CTAGE9: variants seen among roughly 807,000 people sequenced by gnomAD.
CTAGE9 encodes cutaneous T-cell lymphoma-associated antigen 9.
For synonymous variants in CTAGE9, 107 were observed against 315.9 expected (o/e 0.34, Z 7.01); for missense variants, 248 against 884.0 (o/e 0.28, Z 9.12).
chr6:131,709,699 A>G lies in CTAGE9; in HGVS notation c.1319T>C (p.Leu440Pro). The G allele has an allele frequency of 1.2e-6, 2 of 1,613,744 alleles. No individual in the cohort carries two copies. The highest frequency in any genetic ancestry group is 1.7e-6 in the Non-Finnish European group (2 of 1,179,874). ...LETYRKLAKD[L>P]EEELERTVHF... ...AACAGTTCTCTCCAATTCTTCTTCAAGATCTTTGGCTAGCTTTCTATAGGT... is the reference window on the plus strand; with the variant it reads ...AACAGTTCTCTCCAATTCTTCTTCAGGATCTTTGGCTAGCTTTCTATAGGT... Residue 440 changes from leucine (L) to proline (P), a missense_variant, in exon 1 of 1, where the codon CTT becomes CCT. By Grantham distance (98) the Leu-to-Pro change is moderately conservative. Coordinates refer to ENST00000314099, the MANE Select transcript of CTAGE9 (RefSeq NM_001145659.1).
In CTAGE9 at chr6:131,708,571, A is replaced by G. The variant is rs1253278147; in HGVS notation, c.*113T>C. The stretch of plus-strand genomic sequence containing the variant: ...TAAACTGAAAATGAGATCAGTCAAA[A>G]TTACTTTTGAAGAAAGCAACAATAT... On this transcript the variant is annotated 3_prime_UTR_variant, in exon 1 of 1. Coordinates refer to ENST00000314099, the MANE Select transcript of CTAGE9 (RefSeq NM_001145659.1). 3.5e-5 allele frequency: 52 copies of G among 1,506,446 alleles called. No individual in the cohort carries two copies. Among genetic ancestry groups the G allele is most frequent in the Non-Finnish European group, 4.4e-5 (50 of 1,125,744 alleles). 93.3% of individuals were successfully genotyped at this position (1,506,446 alleles called of 1,614,324 possible). A position where few individuals can be genotyped will look rare whatever the true frequency, so the allele number is the denominator to read the frequency against.
At position 131,710,169 on chromosome 6, in the gene CTAGE9, A is replaced by G; in HGVS notation, c.849T>C (p.Leu283=). ...TATCATCATCCGTTGTGTCTTCTTC[A>G]AGCACAGCAGCCTGATCTTTCATCA... ...LPMMKDQAAV[L]EEDTTDDDNL... The change falls in exon 1 of 1, where the codon CTT becomes CTC. Residue 283 remains leucine (L), a synonymous_variant. Transcript: ENST00000314099. 6.2e-7 allele frequency: 1 copy of G among 1,613,440 alleles called. No homozygotes were observed. Among genetic ancestry groups the G allele is most frequent in the Non-Finnish European group, 8.5e-7 (1 of 1,179,736 alleles).
At position 131,710,755 on chromosome 6, in the gene CTAGE9, T is replaced by G. The variant is rs1779765143; in HGVS notation, c.263A>C (p.Glu88Ala). ...LGATLSGLIE[E>A]KCKLLEKFSL... ...AAACTTTTCAAGTAGTTTACATTTT[T>G]CTTCAATTAGTCCAGAAAGCGTTGC... Residue 88 changes from glutamate (E) to alanine (A), a missense_variant, in exon 1 of 1, where the codon GAA (glutamate) becomes GCA (alanine). Glu to Ala is a moderately radical substitution (Grantham distance 107). Transcript: ENST00000314099. The G allele has an allele frequency of 6.2e-7, 1 of 1,612,426 alleles. No homozygotes were observed. The highest frequency in any genetic ancestry group is 1.3e-5 in the African/African-American group (1 of 74,442).
Position 131,708,885 on chromosome 6 carries a change from C to G in CTAGE9, c.2133G>C (p.Arg711Ser), listed in dbSNP as rs540978239. Residue 711 changes from arginine to serine, a missense_variant, in exon 1 of 1, where the codon AGG (arginine) becomes AGC (serine). Transcript: ENST00000314099. ...ISGPLFPVDTRGPFMRRGPPF... is the reference protein window; with the variant it reads ...ISGPLFPVDTSGPFMRRGPPF... ...GAGGTCCTCTTCTCATGAATGGGCC[C>G]CTTGTATCCACTGGAAACAATGGAC... The G allele has an allele frequency of 3.1e-6, 5 of 1,608,550 alleles. No homozygotes were observed. The East Asian group carries it at 8.9e-5, about 29-fold the overall frequency.
In CTAGE9 at chr6:131,710,529, T is replaced by C; in HGVS notation, c.489A>G (p.Gln163=). 2 of 1,610,516 alleles carry C rather than the reference T, an allele frequency of 1.2e-6. No individual in the cohort carries two copies. The highest frequency in any genetic ancestry group is 1.7e-6 in the Non-Finnish European group (2 of 1,179,364). Residue 163 remains glutamine, a synonymous_variant, in exon 1 of 1, where the codon CAA becomes CAG. Transcript: ENST00000314099. The stretch of plus-strand genomic sequence containing the variant: ...TTGAAATATCCGCCATCAATTCATC[T>C]TGTTGAGAATGTTTAGATTTCTCTT... ...LKEEKSKHSQ[Q]DELMADISKS... is the part of the protein sequence containing the mutation.
Position 131,709,485 on chromosome 6 carries a change from A to G in CTAGE9, c.1533T>C (p.Asn511=). The G allele has an allele frequency of 1.2e-6, 2 of 1,612,450 alleles. No individual in the cohort carries two copies. Among genetic ancestry groups the G allele is most frequent in the Non-Finnish European group, 1.7e-6 (2 of 1,179,576 alleles). The stretch of plus-strand genomic sequence containing the variant: ...GGGAATGCTCTCTGCCAAATGCTGT[A>G]TTTGAAACATCGAGTGCATTAGGAT... ...EKDPNALDVS[N]TAFGREHSPC... Residue 511 remains asparagine (N), a synonymous_variant, in exon 1 of 1, where the codon AAT becomes AAC. Coordinates refer to ENST00000314099, the MANE Select transcript of CTAGE9 (RefSeq NM_001145659.1).
chr6:131,710,990 G>T lies in CTAGE9; in HGVS notation c.28C>A (p.Pro10Thr). 1 of 1,579,968 alleles carries T rather than the reference G, an allele frequency of 6.3e-7. No homozygotes were observed. The highest frequency in any genetic ancestry group is 2.3e-5 in the East Asian group (1 of 42,578). The stretch of plus-strand genomic sequence containing the variant: ...TCCTCCAGGACCAGCCCCAGGTAGG[G>T]CTGAGGGGTAGCACCAGGCTCCTCC... MEEPGATPQPYLGLVLEELG... is the reference protein window; with the variant it reads MEEPGATPQTYLGLVLEELG... The change falls in exon 1 of 1, where the codon CCC (proline) becomes ACC (threonine). Residue 10 changes from proline (P) to threonine (T), a missense_variant. By Grantham distance (38) the Pro-to-Thr change is conservative (BLOSUM62 -1). Transcript: ENST00000314099.
rs567335622 is a variant in CTAGE9 at position 131,709,798 on chromosome 6, T to A, written c.1220A>T (p.Asn407Ile). ...KLYRKLTVEENYRIEEEEKLS... is the reference protein window; with the variant it reads ...KLYRKLTVEEIYRIEEEEKLS... ...CTTCTCTTCTTCCTCTATTCGGTAATTTTCCTCCACTGTTAATTTCCTGTA... is the reference window on the plus strand; with the variant it reads ...CTTCTCTTCTTCCTCTATTCGGTAAATTTCCTCCACTGTTAATTTCCTGTA... Residue 407 changes from asparagine to isoleucine, a missense_variant, in exon 1 of 1, where the codon AAT becomes ATT. Transcript: ENST00000314099. The A allele has an allele frequency of 7.9e-5, 128 of 1,613,330 alleles. No homozygotes were observed. The African/African-American group carries it at 1.6e-3, about 20-fold the overall frequency.
In CTAGE9 at chr6:131,709,762, A is replaced by G. The variant is rs537342532; in HGVS notation, c.1256T>C (p.Val419Ala). 50 of 1,613,308 alleles carry G rather than the reference A, an allele frequency of 3.1e-5. No individual in the cohort carries two copies. In the African/African-American group the frequency reaches 6.3e-4, roughly 20 times the overall value. ...AGTGGCATGGCTGATCTTTTCTTCC[A>G]CTCTAGAAAGCTTCTCTTCTTCCTC... ...RIEEEEKLSR[V>A]EEKISHATEE... The change falls in exon 1 of 1, where the codon GTG becomes GCG. Residue 419 changes from valine to alanine, a missense_variant. Transcript: ENST00000314099.
Position 131,710,010 on chromosome 6 carries a change from G to A in CTAGE9, c.1008C>T (p.Asn336=). The change falls in exon 1 of 1, where the codon AAC becomes AAT. Residue 336 remains asparagine (N), a synonymous_variant. Transcript: ENST00000314099. ...CTTCAGATAACTGAATAATAATGTG[G>A]TTTCTTTCTCCTTCTAAGCTTTTTA... The part of the protein sequence containing the change: ...VSLKSLEGER[N]HIIIQLSEVD... 1 of 1,605,438 alleles carries A rather than the reference G, an allele frequency of 6.2e-7. No homozygotes were observed. The highest frequency in any genetic ancestry group is 2.3e-4 in the Middle Eastern group (1 of 4,432).
Position 131,710,169 on chromosome 6 carries a change from A to AAGG in CTAGE9, c.848_849insCCT (p.Leu283dup). ...TATCATCATCCGTTGTGTCTTCTTC[A>AAGG]AGCACAGCAGCCTGATCTTTCATCA... On this transcript the variant is annotated inframe_insertion, in exon 1 of 1. Transcript: ENST00000314099. 1 of 1,613,440 alleles carries AAGG rather than the reference A, an allele frequency of 6.2e-7. No individual in the cohort carries two copies. Among genetic ancestry groups the AAGG allele is most frequent in the Non-Finnish European group, 8.5e-7 (1 of 1,179,736 alleles).
In CTAGE9 at chr6:131,710,538, A is replaced by T; in HGVS notation, c.480T>A (p.His160Gln). 6.2e-7 allele frequency: 1 copy of T among 1,611,012 alleles called. No homozygotes were observed. Among genetic ancestry groups the T allele is most frequent in the Non-Finnish European group, 8.5e-7 (1 of 1,179,374 alleles). The stretch of plus-strand genomic sequence containing the variant: ...CCGCCATCAATTCATCTTGTTGAGA[A>T]TGTTTAGATTTCTCTTCTTTTAAGT... ...EKDLKEEKSK[H>Q]SQQDELMADI... Residue 160 changes from histidine (H) to glutamine (Q), a missense_variant, in exon 1 of 1, where the codon CAT (histidine) becomes CAA (glutamine). Physicochemically the swap from His to Gln is conservative, Grantham distance 24 (BLOSUM62 0). Transcript: ENST00000314099.
chr6:131,708,584 A>G lies in CTAGE9; in HGVS notation c.*100T>C, dbSNP rs568126926. ...AGATCAGTCAAAATTACTTTTGAAG[A>G]AAGCAACAATATTGTCAGGTGTCTT... On this transcript the variant is annotated 3_prime_UTR_variant, in exon 1 of 1. Transcript: ENST00000314099. The G allele has an allele frequency of 3.5e-4, 542 of 1,532,732 alleles. 61 individuals are homozygous for G. In the African/African-American group the frequency reaches 8.0e-3, roughly 23 times the overall value. The allele number at this position is 1,532,732 out of a possible 1,614,324, so 94.9% of individuals were successfully genotyped here.
rs1779753329 is a variant in CTAGE9, at chr6:131,710,312, CTTTCCA to C, written c.700_705del (p.Trp234_Lys235del). 6.4e-7 allele frequency: 1 copy of C among 1,560,426 alleles called. No homozygotes were observed. Among genetic ancestry groups the C allele is most frequent in the Non-Finnish European group, 8.7e-7 (1 of 1,154,282 alleles). On this transcript the variant is annotated inframe_deletion, in exon 1 of 1. Transcript: ENST00000314099. The stretch of plus-strand genomic sequence containing the variant: ...TGTTTATTAAGTTCACTCACTTGTC[CTTTCCA>C]TACTTCAGCTTCTTGCTGAAAAAGC...
rs772106528 is a variant in CTAGE9 at position 131,709,491 on chromosome 6, A to C, written c.1527T>G (p.Val509=). 1 of 1,612,846 alleles carries C rather than the reference A, an allele frequency of 6.2e-7. No individual in the cohort carries two copies. The highest frequency in any genetic ancestry group is 8.5e-7 in the Non-Finnish European group (1 of 1,179,674). The change falls in exon 1 of 1, where the codon GTT becomes GTG. Residue 509 remains valine (V), a synonymous_variant. Coordinates refer to ENST00000314099, the MANE Select transcript of CTAGE9 (RefSeq NM_001145659.1). The part of the protein sequence containing the change: ...LLEKDPNALD[V]SNTAFGREHS... ...GCTCTCTGCCAAATGCTGTATTTGA[A>C]ACATCGAGTGCATTAGGATCTTTTT...
In CTAGE9 at chr6:131,710,211, C is replaced by T. The variant is rs1272488208; in HGVS notation, c.807G>A (p.Leu269=). The T allele has an allele frequency of 6.2e-7, 1 of 1,605,310 alleles. No homozygotes were observed. Among genetic ancestry groups the T allele is most frequent in the African/African-American group, 1.4e-5 (1 of 74,062 alleles). ...LNDKENHIKT[L]TGHLPMMKDQ... is the part of the protein sequence containing the mutation. ...CTTTCATCATTGGCAAGTGTCCAGT[C>T]AGGGTCTTGATGTGATTTTCTTTAT... The change falls in exon 1 of 1, where the codon CTG becomes CTA. Residue 269 remains leucine, a synonymous_variant. Transcript: ENST00000314099.
Position 131,711,014 on chromosome 6 carries a change from C to G in CTAGE9, c.4G>C (p.Glu2Gln). 6.3e-7 allele frequency: 1 copy of G among 1,592,452 alleles called. No individual in the cohort carries two copies. Residue 2 changes from glutamate to glutamine, a missense_variant, in exon 1 of 1, where the codon GAG becomes CAG. Transcript: ENST00000314099. Reference sequence around the variant, plus strand: ...GGCTGAGGGGTAGCACCAGGCTCCTCCATAGCGTCGAGGCTGCTCTGGCGG... The same window carrying G: ...GGCTGAGGGGTAGCACCAGGCTCCTGCATAGCGTCGAGGCTGCTCTGGCGG... M[E>Q]EPGATPQPYL...
chr6:131,710,562 G>C lies in CTAGE9; in HGVS notation c.456C>G (p.Asp152Glu). ...LEDEILCLEK[D>E]LKEEKSKHSQ... ...AATGTTTAGATTTCTCTTCTTTTAA[G>C]TCTTTTTCTAGACAGAGGATTTCAT... The change falls in exon 1 of 1, where the codon GAC (aspartate) becomes GAG (glutamate). Residue 152 changes from aspartate to glutamate, a missense_variant. Transcript: ENST00000314099. 1 of 1,612,704 alleles carries C rather than the reference G, an allele frequency of 6.2e-7. No homozygotes were observed. Among genetic ancestry groups the C allele is most frequent in the Non-Finnish European group, 8.5e-7 (1 of 1,179,782 alleles).
rs779872667 is a variant in CTAGE9, at chr6:131,709,746, G to A, written c.1272C>T (p.Ser424=). The change falls in exon 1 of 1, where the codon AGC becomes AGT. Residue 424 remains serine (S), a synonymous_variant. Coordinates refer to ENST00000314099, the MANE Select transcript of CTAGE9 (RefSeq NM_001145659.1). Reference sequence around the variant, plus strand: ...AGGTCTCCAGCTCTTCAGTGGCATGGCTGATCTTTTCTTCCACTCTAGAAA... The same window carrying A: ...AGGTCTCCAGCTCTTCAGTGGCATGACTGATCTTTTCTTCCACTCTAGAAA... ...EKLSRVEEKI[S]HATEELETYR... is the part of the protein sequence containing the mutation. 2.5e-6 allele frequency: 4 copies of A among 1,613,936 alleles called. No homozygotes were observed. The highest frequency in any genetic ancestry group is 3.4e-6 in the Non-Finnish European group (4 of 1,179,932).
Sources: gnomAD v4.1 joint callset for allele counts on GRCh38, gnomAD v4.1.1 for gene constraint, MANE v1.5 for transcripts, NCBI Gene and HGNC (gene_info 2026-07-23, HGNC 2026-07-21) for gene names.